METTL15: variants seen among roughly 807,000 people sequenced by gnomAD.
METTL15 encodes 12S rRNA N(4)-cytidine methyltransferase METTL15.
Under a neutral mutation model 38.3 loss-of-function variants are expected in METTL15, and 34 were observed. The ratio of observed to expected loss-of-function variants is 0.89; its 90% confidence interval spans 0.68 to 1.18. The LOEUF (loss-of-function observed/expected upper bound fraction) is 1.18, where lower values mean the gene tolerates loss of function less well. Among genes scored for constraint, METTL15 ranks in the 50% most tolerant of loss-of-function variants. The pLI, the probability that METTL15 is intolerant of heterozygous loss-of-function variation, is 0.00. For missense variants in METTL15, 438 were observed against 498.4 expected, an observed-to-expected ratio of 0.88 and a Z score of 1.15; for synonymous variants, 162 against 170.9, an observed-to-expected ratio of 0.95 and a Z score of 0.41.
intron 5 of METTL15, among the ~76,000 whole-genome samples, chr11:28,398,519 G>A (rs1184895739): frequency 6.6e-6 from 1 of 151,832 alleles, no homozygotes; most frequent in East Asian, 1.9e-4. Context: ...ACTTTTTGAT[G>A]GGGTTGTTTT....
At chr11:28,530,325 T>C (rs1473812263), downstream of METTL15, among the ~76,000 whole-genome samples, 1 of 152,142 alleles carries the variant, frequency 6.6e-6, no homozygotes, top group African/African-American at 2.4e-5. Context: ...ATAAAGCATG[T>C]TTTCCCATTT....
intron 4 of METTL15, among the ~76,000 whole-genome samples, chr11:28,259,937 T>C (rs1165359921): frequency 2.0e-5 from 3 of 152,164 alleles, no homozygotes; most frequent in African/African-American, 7.2e-5. Flanking sequence ...CAAGTCCTTC[T>C]TGACTCCTCT....
intron 3 of METTL15, among the ~76,000 whole-genome samples, chr11:28,342,234 T>C (rs369414920): frequency 1.3e-5 from 2 of 152,148 alleles, no homozygotes; most frequent in East Asian, 1.9e-4. Flanking sequence ...TGTGCACCCA[T>C]TCTTCGATTC....
At chr11:28,452,220 G>T (rs1851129181) in intron 6 of METTL15, among the ~76,000 whole-genome samples, 1 of 152,152 alleles carries the variant, frequency 6.6e-6, no homozygotes, top group African/African-American at 2.4e-5. Flanking sequence ...TCACACCTTG[G>T]TTTCAGCACC....
intron 6 of METTL15, among the ~76,000 whole-genome samples, chr11:28,494,477 C>T (rs551122907): frequency 2.0e-5 from 3 of 152,082 alleles, no homozygotes; most frequent in Non-Finnish European, 4.4e-5. Flanking sequence ...CAAATCCTGC[C>T]TCAAGCCCTT....
intron 3 of METTL15, chr11:28,145,681 A>T (rs1172199825): frequency 3.9e-5 from 6 of 152,060 alleles, no homozygotes; most frequent in Non-Finnish European, 8.8e-5. Context: ...TTTAAAATTT[A>T]AAAAAATTAT....
intron 3 of METTL15, among the ~76,000 whole-genome samples, chr11:28,349,297 AC>A (rs1183965556): frequency 6.6e-6 from 1 of 152,046 alleles, no homozygotes. Context: ...GGGCCACCAC[AC>A]CCCTTGCAGG....
In METTL15 at chr11:28,201,309, A is replaced by T. The variant is rs1252867762; in HGVS notation, c.271-9753A>T. On this transcript the variant is annotated intron_variant, in intron 3 of 6. Coordinates refer to ENST00000407364, the MANE Select transcript of METTL15 (RefSeq NM_001113528.2). ...TTGGTTTGCCAGTATTTTATTGAGG[A>T]TTTTAGCATCGATGTTCATCAGGGA... 2.6e-5 allele frequency among the ~76,000 whole-genome samples: 4 copies of T among 152,144 alleles called. No homozygotes were observed. In the East Asian group the frequency reaches 7.7e-4, roughly 29 times the overall value.
At chr11:28,484,135 A>G (rs748919746) in intron 6 of METTL15, among the ~76,000 whole-genome samples, 4 of 152,176 alleles carry the variant, frequency 2.6e-5, no homozygotes, top group Non-Finnish European at 5.9e-5. Context: ...AGTAGCACAT[A>G]TTAAGTACTT....
At chr11:28,474,224 CTATA>C (rs1851326591) in intron 6 of METTL15, among the ~76,000 whole-genome samples, 1 of 151,336 alleles carries the variant, frequency 6.6e-6, no homozygotes, top group Admixed American at 6.6e-5. Context: ...TTAAATATGT[CTATA>C]TAACAGAAAA....
chr11:28,352,129 A>G (rs1223351684), exon 4 of METTL15: 1 of 152,194 alleles, frequency 6.6e-6, no homozygotes, highest in Non-Finnish European at 1.5e-5. Context: ...AGATGTCCCA[A>G]GGCCTAACCT....
intron 4 of METTL15, among the ~76,000 whole-genome samples, chr11:28,241,569 A>T (rs771854769): frequency 6.6e-6 from 1 of 151,974 alleles, no homozygotes; most frequent in Non-Finnish European, 1.5e-5. Context: ...AACCAGAGAA[A>T]AGCAAAGGGG....
intron 4 of METTL15, among the ~76,000 whole-genome samples, chr11:28,256,657 A>G (rs1854984270): frequency 6.6e-6 from 1 of 151,782 alleles, no homozygotes; most frequent in South Asian, 2.1e-4. Flanking sequence ...CCAACTTTTT[A>G]TTTCATTGTT....
At chr11:28,316,117 C>T (rs1857472661) in intron 6 of METTL15, among the ~76,000 whole-genome samples, 1 of 152,168 alleles carries the variant, frequency 6.6e-6, no homozygotes, top group South Asian at 2.1e-4. Context: ...GGTAGATCCA[C>T]CCAACAGCTT....
At chr11:28,352,799 C>A (rs928539079) in intron 4 of METTL15, among the ~76,000 whole-genome samples, 2 of 152,132 alleles carry the variant, frequency 1.3e-5, no homozygotes, top group Admixed American at 1.3e-4. Flanking sequence ...GGCATCCAGG[C>A]AACAGCAAAA....
rs1850298837 is a variant in METTL15, at chr11:28,375,487, G to A, written c.*358+13451G>A. The stretch of plus-strand genomic sequence containing the variant: ...TTGTAGTATTCTCTGATGGTAGTTT[G>A]TATTTCTGTGGGATCGGTGGTAATA... On this transcript the variant is annotated intron_variant and NMD_transcript_variant, in intron 5 of 7. Coordinates refer to the METTL15 transcript ENST00000532947. Among the ~76,000 whole-genome samples the A allele has an allele frequency of 2.0e-5, 3 of 151,816 alleles. No homozygotes were observed. The South Asian group carries it at 6.3e-4, about 32-fold the overall frequency.
At chr11:28,162,320 G>A (rs533753557) in intron 3 of METTL15, among the ~76,000 whole-genome samples, 29 of 152,150 alleles carry the variant, frequency 1.9e-4, no homozygotes, top group South Asian at 6.2e-4. Context: ...ACATTGTCTT[G>A]GAAGGCTAAG....
downstream of METTL15, among the ~76,000 whole-genome samples, chr11:28,337,905 G>A (rs182006799): frequency 8.5e-4 from 130 of 152,142 alleles, no homozygotes; most frequent in African/African-American, 2.9e-3. Flanking sequence ...CTCAATGCCT[G>A]TACTTACAAT....
At chr11:28,232,587 G>GTATTTTCATATAAATACTTTTATA in intron 4 of METTL15, among the ~76,000 whole-genome samples, 1 of 151,700 alleles carries the variant, frequency 6.6e-6, no homozygotes, top group South Asian at 2.1e-4. Flanking sequence ...ATATGAACAC[G>GTATTTTCATATAAATACTTTTATA]TTTATTTATT....
Sources: allele counts gnomAD v4.1 joint callset (sites outside exome capture counted in the v4.1 genomes callset), GRCh38; gene constraint gnomAD v4.1.1; transcripts MANE v1.5; gene names NCBI Gene and HGNC (gene_info 2026-07-23, HGNC 2026-07-21).